MRPS5: variants seen among roughly 807,000 people sequenced by gnomAD.
MRPS5 encodes small ribosomal subunit protein uS5m.
In MRPS5, 27 loss-of-function variants were observed where a neutral mutation model predicts 51.9. The observed-to-expected ratio is 0.52, with a 90% CI of 0.38 to 0.72. MRPS5 has a LOEUF of 0.72. Among genes scored for constraint, MRPS5 ranks in the 30% least tolerant of loss-of-function variants. The probability of loss-of-function intolerance (pLI) is 0.00; values close to 1 mark genes in which losing one functional copy is unlikely to be tolerated. For missense variants in MRPS5, 570 were observed against 545.7 expected (o/e 1.04, Z -0.44); for synonymous variants, 196 against 193.2 (o/e 1.01, Z -0.12).
intron 3 of MRPS5, among the ~76,000 whole-genome samples, chr2:95,113,893 A>T (rs1271654240): frequency 6.6e-6 from 1 of 151,928 alleles, no homozygotes; most frequent in Non-Finnish European, 1.5e-5. Flanking sequence ...AGGCTGAGGC[A>T]GGTGGATCAC....
At chr2:95,098,114 G>C (rs1195465173) in intron 10 of MRPS5, among the ~76,000 whole-genome samples, 2 of 152,128 alleles carry the variant, frequency 1.3e-5, no homozygotes, top group African/African-American at 2.4e-5. Flanking sequence ...ATCATCACTG[G>C]TTTTGCAAAT....
chr2:95,088,530 T>C (rs185828696), intron 11 of MRPS5, among the ~76,000 whole-genome samples: 105 of 152,340 alleles, frequency 6.9e-4, no homozygotes, highest in African/African-American at 2.4e-3. Flanking sequence ...TCTAATTATA[T>C]ATCTAATGCC....
chr2:95,087,722 G>A lies in MRPS5; in HGVS notation c.1069-141C>T, dbSNP rs1030133101. ...TGGATTTGGGTTAATGTGTTTTGTG[G>A]CTAAACTCTAATAACCTGTCATGGG... On this transcript the variant is annotated intron_variant, in intron 11 of 11. Coordinates refer to ENST00000272418, the MANE Select transcript of MRPS5 (RefSeq NM_031902.5). 5.7e-6 allele frequency: 4 copies of A among 703,426 alleles called. No homozygotes were observed. The African/African-American group carries it at 7.2e-5, about 13-fold the overall frequency. 43.6% of individuals were successfully genotyped at this position (703,426 alleles called of 1,614,324 possible).
chr2:95,104,537 A>G (rs763487434), intron 7 of MRPS5, 103 bp downstream of exon 7: 2 of 1,254,188 alleles, frequency 1.6e-6, no homozygotes, highest in Non-Finnish European at 2.3e-6. Context: ...ATCAATGGAA[A>G]AAGTCCGGCC....
At chr2:95,115,032 CAAGAAACAGG>C (rs1410393816) in intron 3 of MRPS5, 24 bp downstream of exon 3, 1 of 1,466,976 alleles carries the variant, frequency 6.8e-7, no homozygotes, top group Admixed American at 2.6e-5. Flanking sequence ...TTTCCTGTTT[CAAGAAACAGG>C]AAGTTTGTGG....
intron 1 of MRPS5, among the ~76,000 whole-genome samples, chr2:95,118,515 T>C (rs1365417269): frequency 1.3e-5 from 2 of 152,266 alleles, no homozygotes; most frequent in African/African-American, 2.4e-5. Context: ...TTGAACCTAC[T>C]GTGCTCTCGC....
intron 7 of MRPS5, chr2:95,103,788 T>C (rs1160789680): frequency 2.6e-5 from 4 of 152,200 alleles, no homozygotes; most frequent in Non-Finnish European, 5.9e-5. Flanking sequence ...TTAATATCTC[T>C]GAATATAATA....
chr2:95,097,137 G>T (rs1675650448), intron 10 of MRPS5, among the ~76,000 whole-genome samples: 1 of 152,194 alleles, frequency 6.6e-6, no homozygotes, highest in African/African-American at 2.4e-5. Context: ...TACAAAAGAT[G>T]TGAAGGACCT....
At chr2:95,101,433 G>A (rs1339295882) in intron 8 of MRPS5, among the ~76,000 whole-genome samples, 1 of 151,018 alleles carries the variant, frequency 6.6e-6, no homozygotes, top group Admixed American at 6.6e-5. Flanking sequence ...CAAACATTCT[G>A]TCAGTGTTCA....
intron 1 of MRPS5, among the ~76,000 whole-genome samples, chr2:95,120,923 G>C (rs942599506): frequency 1.3e-5 from 2 of 152,100 alleles, no homozygotes; most frequent in African/African-American, 4.8e-5. Context: ...TTCGAGACCA[G>C]TACGACCAAC....
Position 95,104,664 on chromosome 2 carries a change from C to T in MRPS5, c.739G>A (p.Val247Met). Residue 247 changes from valine to methionine, a missense_variant, in exon 7 of 12, where the codon GTG (valine) becomes ATG (methionine). Transcript: ENST00000272418. ...RKKSIRVLVA[V>M]GNGKGAAGFS... is the part of the protein sequence containing the mutation. The stretch of plus-strand genomic sequence containing the variant: ...CCTGCAGCTCCTTTTCCGTTCCCCA[C>T]AGCCACCAAGACACGGATCGATTTC... 6.2e-7 allele frequency: 1 copy of T among 1,614,236 alleles called. No homozygotes were observed. The highest frequency in any genetic ancestry group is 1.3e-5 in the African/African-American group (1 of 75,070).
At chr2:95,114,473 G>C (rs956832391) in intron 3 of MRPS5, among the ~76,000 whole-genome samples, 1 of 151,998 alleles carries the variant, frequency 6.6e-6, no homozygotes, top group African/African-American at 2.4e-5. Flanking sequence ...GGGTTTCACT[G>C]TGTTTGCCAG....
At chr2:95,101,824 T>TC in intron 7 of MRPS5, 101 bp from the exon 8 acceptor site, 1 of 731,156 alleles carries the variant, frequency 1.4e-6, no homozygotes, top group Non-Finnish European at 2.3e-6. Flanking sequence ...TCACAGCACT[T>TC]CATCTTTCCA....
rs1451233595 is a variant in MRPS5, at chr2:95,086,462, A to AAG, written c.*893_*894dup. Among the ~76,000 whole-genome samples the AAG allele has an allele frequency of 6.6e-6, 1 of 152,194 alleles. No individual in the cohort carries two copies. The highest frequency in any genetic ancestry group is 6.5e-5 in the Admixed American group (1 of 15,274). On this transcript the variant is annotated 3_prime_UTR_variant, in exon 12 of 12. Transcript: ENST00000272418. ...AAAGAGTAAATAACCAGTTATTCTG[A>AAG]AGATAAAACAATAGAAATTACCTAA...
At chr2:95,092,560 G>A (rs1303262415) in intron 10 of MRPS5, 1 of 152,060 alleles carries the variant, frequency 6.6e-6, no homozygotes, top group Non-Finnish European at 1.5e-5. Context: ...TATGTATTCA[G>A]GAAACGTCTA....
chr2:95,092,057 T>G (rs1169427558), intron 10 of MRPS5: 1 of 152,252 alleles, frequency 6.6e-6, no homozygotes, highest in Non-Finnish European at 1.5e-5. Context: ...GTGCTGCTGA[T>G]GAGCACTGAG....
intron 5 of MRPS5, 39 bp from the exon 6 acceptor site, chr2:95,106,496 G>A (rs1212851118): frequency 1.3e-6 from 2 of 1,544,962 alleles, no homozygotes; most frequent in South Asian, 1.1e-5. Flanking sequence ...GATGAAATGT[G>A]TGTACACAAT....
chr2:95,111,519 TTA>T (rs1030592769), intron 3 of MRPS5, among the ~76,000 whole-genome samples: 3 of 151,828 alleles, frequency 2.0e-5, no homozygotes, highest in African/African-American at 2.4e-5. Context: ...TTTAGCTCTT[TTA>T]TATATATATA....
intron 11 of MRPS5, 106 bp downstream of exon 11, chr2:95,090,280 T>G: frequency 8.8e-7 from 1 of 1,134,368 alleles, no homozygotes; most frequent in Admixed American, 2.2e-5. Flanking sequence ...ACTCCTCAGG[T>G]GGCCCCAGGA....
Sources: allele counts gnomAD v4.1 joint callset (sites outside exome capture counted in the v4.1 genomes callset), GRCh38; gene constraint gnomAD v4.1.1; transcripts MANE v1.5; gene names NCBI Gene and HGNC (gene_info 2026-07-23, HGNC 2026-07-21).